G2E3: variants seen among roughly 807,000 people sequenced by gnomAD.
G2E3 encodes the protein G2/M-phase specific E3 ubiquitin protein ligase, also known as G2/M phase-specific E3 ubiquitin-protein ligase.
G2E3 carries 35 observed loss-of-function variants against 92.8 expected under a neutral mutation model. The ratio of observed to expected loss-of-function variants is 0.38; its 90% CI spans 0.29 to 0.50. The LOEUF is 0.50. G2E3 is among the 20% of genes least tolerant of loss of function. The probability of loss-of-function intolerance (pLI) is 0.94; values close to 1 mark genes in which losing one functional copy is unlikely to be tolerated. For synonymous variants in G2E3, 242 were observed against 272.4 expected, an observed-to-expected ratio of 0.89 and a Z score of 1.10; for missense variants, 554 against 823.8, an observed-to-expected ratio of 0.67 and a Z score of 4.01.
chr14:30,583,119 A>G (rs1057100632), intron 2 of G2E3, among the ~76,000 whole-genome samples: 2 of 152,192 alleles, frequency 1.3e-5, no homozygotes, highest in African/African-American at 2.4e-5. Flanking sequence ...GCGGTATGCA[A>G]TCATTTAGAG....
intron 1 of G2E3, among the ~76,000 whole-genome samples, chr14:30,571,177 T>C (rs536981962): frequency 1.4e-5 from 1 of 72,354 alleles, no homozygotes; most frequent in East Asian, 8.0e-4. Context: ...GTGGGTTTGC[T>C]TTTTTTTTTT....
Position 30,618,340 on chromosome 14 carries a change from AAT to A in G2E3, c.*1809_*1810del, listed in dbSNP as rs1882412147. 1 of 152,124 alleles carries A rather than the reference AAT, an allele frequency of 6.6e-6. No homozygotes were observed. Among genetic ancestry groups the A allele is most frequent in the African/African-American group, 2.4e-5 (1 of 41,440 alleles). The allele number at this position is 152,124 out of a possible 1,614,324, so 9.4% of individuals were successfully genotyped here. Reference sequence around the variant, plus strand: ...AAGTCACCATACAGTTTTTATTCCAAATATGTTGATAAAAAGATATTTGTTTC... The same window carrying A: ...AAGTCACCATACAGTTTTTATTCCAAATGTTGATAAAAAGATATTTGTTTC... On this transcript the variant is annotated 3_prime_UTR_variant, in exon 15 of 15. Transcript: ENST00000206595.
chr14:30,607,693 G>A (rs1221451892), intron 11 of G2E3, among the ~76,000 whole-genome samples, 195 bp from the exon 12 acceptor site: 2 of 151,992 alleles, frequency 1.3e-5, no homozygotes, highest in South Asian at 2.1e-4. Flanking sequence ...TTCTACAATA[G>A]ATTTTTACTT....
chr14:30,568,236 T>G (rs1287887440), intron 1 of G2E3, among the ~76,000 whole-genome samples: 2 of 152,154 alleles, frequency 1.3e-5, no homozygotes, highest in Non-Finnish European at 2.9e-5. Context: ...CACCCAAGCT[T>G]ACTTTTGATT....
chr14:30,574,848 C>T (rs908441038), intron 1 of G2E3, among the ~76,000 whole-genome samples: 22 of 152,120 alleles, frequency 1.4e-4, no homozygotes, highest in African/African-American at 5.3e-4. Flanking sequence ...AGGCTGATTC[C>T]ACGTCTTTGC....
intron 12 of G2E3, among the ~76,000 whole-genome samples, chr14:30,608,841 G>A (rs939771997): frequency 6.6e-6 from 1 of 152,228 alleles, no homozygotes; most frequent in African/African-American, 2.4e-5. Flanking sequence ...CCTTAGCCAG[G>A]CGTGGTGGCA....
intron 4 of G2E3, chr14:30,590,536 G>A: frequency 5.2e-6 from 2 of 384,182 alleles, no homozygotes; most frequent in South Asian, 4.0e-5. Context: ...GTCAAGTCTG[G>A]AAATTAAGGA....
rs200128131 is a variant in G2E3, at chr14:30,602,032, C to T, written c.911C>T (p.Pro304Leu). Residue 304 changes from proline to leucine, a missense_variant, in exon 10 of 15, where the codon CCC becomes CTC. By Grantham distance (98) the Pro-to-Leu change is moderately conservative (BLOSUM62 -3). Coordinates refer to ENST00000206595, the MANE Select transcript of G2E3 (RefSeq NM_017769.5). The part of the protein sequence containing the change: ...EFQKAKKHVL[P>L]NSNNVGITDC... ...CAAAAAGCCAAAAAACATGTATTAC[C>T]CAATTCTAATAATGTGGGGATTACA... 6.5e-5 allele frequency: 105 copies of T among 1,611,418 alleles called. No individual in the cohort carries two copies. The highest frequency in any genetic ancestry group is 1.0e-4 in the Admixed American group (6 of 59,894).
chr14:30,564,483 C>T (rs769326379), intron 1 of G2E3, among the ~76,000 whole-genome samples: 22 of 152,222 alleles, frequency 1.4e-4, no homozygotes, highest in Admixed American at 7.9e-4. Context: ...CAGGCATTTG[C>T]CACCAAGACT....
At position 30,619,897 on chromosome 14, in the gene G2E3, C is replaced by G. The variant is rs751649573; in HGVS notation, c.*3363C>G. ...GGATTTAATAAGATTAAGATTCTGA[C>G]GAAACTGAAAGATACAAGATTCCTT... On this transcript the variant is annotated 3_prime_UTR_variant, in exon 15 of 15. Transcript: ENST00000206595. The G allele has an allele frequency of 2.6e-5, 4 of 152,074 alleles. No individual in the cohort carries two copies. Among genetic ancestry groups the G allele is most frequent in the Admixed American group, 6.5e-5 (1 of 15,270 alleles). 9.4% of individuals were successfully genotyped at this position (152,074 alleles called of 1,614,324 possible).
intron 1 of G2E3, chr14:30,560,676 T>A (rs888201688): frequency 1.6e-6 from 1 of 629,004 alleles, no homozygotes; most frequent in African/African-American, 1.8e-5. Flanking sequence ...TGAATTATTT[T>A]CATTGGATTT....
intron 1 of G2E3, among the ~76,000 whole-genome samples, chr14:30,572,944 A>G (rs1254348067): frequency 6.6e-6 from 1 of 152,076 alleles, no homozygotes; most frequent in East Asian, 1.9e-4. Flanking sequence ...CTACTATACC[A>G]TGCTACTTTT....
At chr14:30,614,573 T>G (rs1292631221) in intron 13 of G2E3, among the ~76,000 whole-genome samples, 3 of 152,352 alleles carry the variant, frequency 2.0e-5, no homozygotes, top group African/African-American at 7.2e-5. Flanking sequence ...CTCCCATTGC[T>G]GTTATACTGG....
intron 1 of G2E3, among the ~76,000 whole-genome samples, chr14:30,567,863 T>C (rs977539188): frequency 2.6e-5 from 4 of 152,122 alleles, no homozygotes; most frequent in Non-Finnish European, 5.9e-5. Flanking sequence ...GTTTTCCTTT[T>C]ATTGATTTCT....
In G2E3 at chr14:30,616,096, C is replaced by G. The variant is rs540275253; in HGVS notation, c.1865-182C>G. On this transcript the variant is annotated intron_variant, in intron 14 of 14. Coordinates refer to ENST00000206595, the MANE Select transcript of G2E3 (RefSeq NM_017769.5). ...GTATTAGTCCTTCTACTTTGAGATT[C>G]ATTTATGTACTGTTTGCCTGTTACT... is the stretch of plus-strand genomic sequence containing the variant. Among the ~76,000 whole-genome samples the G allele has an allele frequency of 5.9e-5, 9 of 152,222 alleles. No individual in the cohort carries two copies. In the East Asian group the frequency reaches 1.5e-3, roughly 26 times the overall value.
At chr14:30,587,293 A>G (rs1351989992) in intron 3 of G2E3, among the ~76,000 whole-genome samples, 1 of 152,176 alleles carries the variant, frequency 6.6e-6, no homozygotes, top group African/African-American at 2.4e-5. Context: ...ATCACTCAGA[A>G]GAAAGCAAAC....
chr14:30,567,962 A>G (rs1277125459), intron 1 of G2E3, among the ~76,000 whole-genome samples: 3 of 152,102 alleles, frequency 2.0e-5, no homozygotes, highest in African/African-American at 4.8e-5. Context: ...TGGTATATCC[A>G]TGGATATTGT....
chr14:30,575,806 A>C (rs1174221631), intron 1 of G2E3, among the ~76,000 whole-genome samples: 3 of 152,208 alleles, frequency 2.0e-5, no homozygotes, highest in Non-Finnish European at 4.4e-5. Flanking sequence ...GAATACAGCT[A>C]ACAAGGGAGG....
intron 8 of G2E3, 76 bp downstream of exon 8, chr14:30,598,675 G>C (rs1881410048): frequency 5.4e-6 from 5 of 921,956 alleles, no homozygotes; most frequent in Non-Finnish European, 7.3e-6. Flanking sequence ...TTTATAGTTA[G>C]TGAAACGTAG....
Sources: allele counts gnomAD v4.1 joint callset (sites outside exome capture counted in the v4.1 genomes callset), GRCh38; gene constraint gnomAD v4.1.1; transcripts MANE v1.5; gene names NCBI Gene and HGNC (gene_info 2026-07-23, HGNC 2026-07-21).